Variants in MAPK9 observed in about 807,000 individuals in gnomAD.
MAPK9 encodes the protein mitogen-activated protein kinase 9, also known as Jun kinase.
In MAPK9, 30 loss-of-function variants were observed where a neutral mutation model predicts 57.1. The ratio of observed to expected loss-of-function variants is 0.53; its 90% CI spans 0.39 to 0.71. The LOEUF (loss-of-function observed/expected upper bound fraction) is 0.71, where lower values mean the gene tolerates loss of function less well. MAPK9 is among the 30% of genes least tolerant of loss of function. The pLI, the probability that MAPK9 is intolerant of heterozygous loss-of-function variation, is 0.00. For missense variants in MAPK9, 362 were observed against 521.0 expected (o/e 0.69, Z 2.97); for synonymous variants, 155 against 177.0 (o/e 0.88, Z 0.99).
At chr5:180,269,574 A>G (rs1456574400) in intron 2 of MAPK9, among the ~76,000 whole-genome samples, 165 bp from the exon 3 acceptor site, 1 of 152,256 alleles carries the variant, frequency 6.6e-6, no homozygotes, top group Non-Finnish European at 1.5e-5. Context: ...GAGTTGTCTA[A>G]GACTACAGCA....
chr5:180,288,120 G>A (rs538667202), intron 1 of MAPK9, among the ~76,000 whole-genome samples: 28 of 152,264 alleles, frequency 1.8e-4, no homozygotes, highest in Non-Finnish European at 3.8e-4. Context: ...CACTTAGGAA[G>A]GCATCTTGAT....
intron 3 of MAPK9, among the ~76,000 whole-genome samples, chr5:180,268,554 G>A (rs34802122): frequency 1.8e-3 from 274 of 152,328 alleles, no homozygotes; most frequent in South Asian, 3.7e-3. Flanking sequence ...TCAGCCGGGC[G>A]CCATGGCTCA....
chr5:180,258,791 C>G (rs1466850631), intron 5 of MAPK9, among the ~76,000 whole-genome samples: 3 of 148,044 alleles, frequency 2.0e-5, no homozygotes, highest in Non-Finnish European at 4.4e-5. Context: ...CTTTGGGAGG[C>G]TGAGGCAGGC....
At chr5:180,267,079 C>G (rs189290633) in intron 3 of MAPK9, among the ~76,000 whole-genome samples, 37 of 152,252 alleles carry the variant, frequency 2.4e-4, no homozygotes, top group African/African-American at 8.2e-4. Flanking sequence ...AGGAGAAAAG[C>G]AGGATGAAGA....
Position 180,240,075 on chromosome 5 carries a change from T to TA in MAPK9, c.997-89dup, listed in dbSNP as rs1003676388. ...AAGGTAAAATTGCTTGGAAGACTTCTAGTCTATTTATGATATGGATTTAGT... is the reference window on the plus strand; with the variant it reads ...AAGGTAAAATTGCTTGGAAGACTTCTAAGTCTATTTATGATATGGATTTAGT... On this transcript the variant is annotated intron_variant, in intron 9 of 11. Transcript: ENST00000452135. 4 of 941,658 alleles carry TA rather than the reference T, an allele frequency of 4.2e-6. No individual in the cohort carries two copies. In the African/African-American group the frequency reaches 6.5e-5, roughly 15 times the overall value. 58.3% of individuals were successfully genotyped at this position (941,658 alleles called of 1,614,324 possible).
At chr5:180,277,019 T>G (rs1761883104) in intron 2 of MAPK9, among the ~76,000 whole-genome samples, 2 of 152,220 alleles carry the variant, frequency 1.3e-5, no homozygotes, top group African/African-American at 4.8e-5. Context: ...CATTTAATCC[T>G]GTACAGGTCA....
chr5:180,238,123 A>G (rs1475881983), intron 11 of MAPK9: 5 of 375,484 alleles, frequency 1.3e-5, no homozygotes, highest in African/African-American at 4.3e-5. Flanking sequence ...TACAAAAATT[A>G]GCAGGGCATG....
At chr5:180,269,460 A>G (rs759250792) in intron 2 of MAPK9, 51 bp from the exon 3 acceptor site, 2 of 1,534,712 alleles carry the variant, frequency 1.3e-6, no homozygotes, top group East Asian at 2.3e-5. Context: ...TTTGGAAAAT[A>G]CAGCAATGCC....
rs577623183 is a variant in MAPK9, at chr5:180,267,964, G to A, written c.252+1316C>T. 1.8e-3 allele frequency among the ~76,000 whole-genome samples: 273 copies of A among 152,110 alleles called. 2 individuals carry two copies. Among genetic ancestry groups the A allele is most frequent in the African/African-American group, 6.0e-3 (249 of 41,520 alleles). ...TGCAAGCTCTGCCTCCCGGGTTCAT[G>A]CCATTCTCCCACCTCACCCTCCTTA... is the stretch of plus-strand genomic sequence containing the variant. On this transcript the variant is annotated intron_variant, in intron 3 of 11. Coordinates refer to ENST00000452135, the MANE Select transcript of MAPK9 (RefSeq NM_002752.5).
rs997171743 is a variant in MAPK9 at position 180,292,069 on chromosome 5, C to A, written c.-269G>T. On this transcript the variant is annotated 5_prime_UTR_variant, in exon 1 of 12. Transcript: ENST00000452135. ...CTCCCTTCTCCGCCGCTGCCGCCGC[C>A]GCGGCGCCCGGTCTGACAGACCCTC... The A allele has an allele frequency of 6.6e-6, 1 of 152,484 alleles. No individual in the cohort carries two copies. Among genetic ancestry groups the A allele is most frequent in the Non-Finnish European group, 1.5e-5 (1 of 68,246 alleles). 9.4% of individuals were successfully genotyped at this position (152,484 alleles called of 1,614,324 possible).
chr5:180,280,693 G>T, intron 1 of MAPK9, 85 bp from the exon 2 acceptor site: 1 of 1,035,314 alleles, frequency 9.7e-7, no homozygotes. Context: ...TTATTGGTAT[G>T]TAAGACAATG....
At chr5:180,282,640 G>A (rs933684376) in intron 1 of MAPK9, among the ~76,000 whole-genome samples, 2 of 152,230 alleles carry the variant, frequency 1.3e-5, no homozygotes, top group African/African-American at 4.8e-5. Flanking sequence ...GGCTAGCGGG[G>A]TACAAGTGCA....
intron 1 of MAPK9, among the ~76,000 whole-genome samples, chr5:180,285,955 C>T (rs1762709715): frequency 6.7e-6 from 1 of 150,060 alleles, no homozygotes; most frequent in South Asian, 2.1e-4. Flanking sequence ...TGGCGGGCGC[C>T]TGTAGTCCCA....
At chr5:180,258,408 T>C (rs913354461) in intron 5 of MAPK9, 1 of 152,330 alleles carries the variant, frequency 6.6e-6, no homozygotes, top group Middle Eastern at 3.4e-3. Context: ...TTAAGAAATA[T>C]GGTAAAAGAC....
chr5:180,259,985 A>G (rs980959990), intron 5 of MAPK9, among the ~76,000 whole-genome samples: 2 of 152,274 alleles, frequency 1.3e-5, no homozygotes, highest in African/African-American at 4.8e-5. Context: ...GGAAAACCGT[A>G]TAATTTACAT....
intron 4 of MAPK9, chr5:180,263,037 CA>C (rs776082410): frequency 2.0e-5 from 3 of 152,388 alleles, no homozygotes; most frequent in Non-Finnish European, 4.4e-5. Flanking sequence ...ACTCCAGGCT[CA>C]TTCCTCTGCC....
chr5:180,264,495 G>T (rs916306955), intron 4 of MAPK9, among the ~76,000 whole-genome samples: 3 of 152,202 alleles, frequency 2.0e-5, no homozygotes, highest in Non-Finnish European at 4.4e-5. Flanking sequence ...AGGGATTTGA[G>T]AAAAACATTT....
At position 180,247,883 on chromosome 5, in the gene MAPK9, G is replaced by T; in HGVS notation, c.617-373C>A. The stretch of plus-strand genomic sequence containing the variant: ...CTCTTCCCGGGAACAGGACTTTATG[G>T]AGGACCATTTCTGCCATGATGCACC... On this transcript the variant is annotated intron_variant, in intron 6 of 11. Coordinates refer to ENST00000452135, the MANE Select transcript of MAPK9 (RefSeq NM_002752.5). The surrounding 1 kb of genome is among the most constrained non-coding windows in gnomAD (Gnocchi z 4.5). 1.9e-6 allele frequency: 3 copies of T among 1,614,110 alleles called. No homozygotes were observed. Among genetic ancestry groups the T allele is most frequent in the Non-Finnish European group, 2.5e-6 (3 of 1,180,008 alleles).
intron 3 of MAPK9, among the ~76,000 whole-genome samples, chr5:180,268,615 CAGG>C (rs1760926125): frequency 6.6e-6 from 1 of 152,120 alleles, no homozygotes; most frequent in African/African-American, 2.4e-5. Flanking sequence ...ACCATGAGGT[CAGG>C]AGATCGAGAC....
Sources: allele counts gnomAD v4.1 joint callset (sites outside exome capture counted in the v4.1 genomes callset), GRCh38; gene constraint gnomAD v4.1.1; non-coding constraint Gnocchi (gnomAD v3.1); transcripts MANE v1.5; gene names NCBI Gene and HGNC (gene_info 2026-07-23, HGNC 2026-07-21).